Variants in PAG1 observed in about 807,000 individuals in gnomAD.
The protein encoded by PAG1 is phosphoprotein associated with glycosphingolipid-enriched microdomains 1.
In PAG1, 23 loss-of-function variants were observed where a neutral mutation model predicts 31.7. That is an observed-to-expected ratio of 0.73 (90% CI 0.52 to 1.03). The LOEUF (loss-of-function observed/expected upper bound fraction) is 1.03. Among genes scored for constraint, PAG1 ranks in the 50% least tolerant of loss-of-function variants. The probability of loss-of-function intolerance (pLI) is 0.00; values close to 1 mark genes in which losing one functional copy is unlikely to be tolerated. For synonymous variants in PAG1, 214 were observed against 210.3 expected (o/e 1.02, Z -0.15); for missense variants, 473 against 540.7 (o/e 0.87, Z 1.24).
intron 2 of PAG1, among the ~76,000 whole-genome samples, chr8:81,048,026 T>G (rs541473126): frequency 6.6e-6 from 1 of 152,326 alleles, no homozygotes; most frequent in African/African-American, 2.4e-5. Context: ...AGGAACTCCC[T>G]AGTTCCTGTG....
intron 3 of PAG1, among the ~76,000 whole-genome samples, chr8:81,029,099 A>T (rs1416119818): frequency 6.6e-6 from 1 of 152,170 alleles, no homozygotes; most frequent in Non-Finnish European, 1.5e-5. Context: ...ATAAGGAAGG[A>T]GGTGTTTCAT....
At chr8:80,994,343 C>T (rs1807628194) in intron 3 of PAG1, among the ~76,000 whole-genome samples, 1 of 152,172 alleles carries the variant, frequency 6.6e-6, no homozygotes, top group Non-Finnish European at 1.5e-5. Context: ...GAATACATCC[C>T]TGGGAATAAA....
chr8:81,041,509 C>T (rs1419775230), intron 2 of PAG1, among the ~76,000 whole-genome samples: 1 of 152,138 alleles, frequency 6.6e-6, no homozygotes, highest in African/African-American at 2.4e-5. Context: ...TCTTCAGTTC[C>T]ACTTTATATC....
intron 2 of PAG1, among the ~76,000 whole-genome samples, chr8:81,050,717 G>A (rs16908481): frequency 0.087 from 13,190 of 152,262 alleles, 753 homozygotes; most frequent in East Asian, 0.22. Flanking sequence ...AACCCAGTGA[G>A]ATAATGTAGA....
rs112676321 is a variant in PAG1 at position 80,972,940 on chromosome 8, C to CGTGTGTGTGTGTGTGTGTGT, written c.*3584_*3603dup. 1 of 146,296 alleles carries CGTGTGTGTGTGTGTGTGTGT rather than the reference C, an allele frequency of 6.8e-6. No individual in the cohort carries two copies. The highest frequency in any genetic ancestry group is 1.5e-5 in the Non-Finnish European group (1 of 65,996). 9.1% of individuals were successfully genotyped at this position (146,296 alleles called of 1,614,324 possible). A position where few individuals can be genotyped will look rare whatever the true frequency, so the allele number is the denominator to read the frequency against. On this transcript the variant is annotated 3_prime_UTR_variant, in exon 9 of 9. Transcript: ENST00000220597. ...AAGTATATACACACACACACGTATA[C>CGTGTGTGTGTGTGTGTGTGT]GTGTGTGTGTGTGTGTGTGTGTGTG...
At chr8:81,071,755 C>T (rs901516480) in intron 1 of PAG1, among the ~76,000 whole-genome samples, 1 of 152,166 alleles carries the variant, frequency 6.6e-6, no homozygotes. Context: ...TAGCACAATA[C>T]AGAGAGACGC....
intron 2 of PAG1, among the ~76,000 whole-genome samples, chr8:81,068,756 A>G (rs996708137): frequency 2.0e-5 from 3 of 152,260 alleles, no homozygotes; most frequent in African/African-American, 7.2e-5. Flanking sequence ...CAGATGGAGT[A>G]AAACTCAAGA....
chr8:80,998,162 GCT>G (rs1807719517), intron 3 of PAG1, among the ~76,000 whole-genome samples: 1 of 128,820 alleles, frequency 7.8e-6, no homozygotes, highest in Non-Finnish European at 1.6e-5. Flanking sequence ...ACAAAGTCTC[GCT>G]CTGTCGCTAG....
At chr8:81,109,829 G>C (rs1309911067) in intron 1 of PAG1, among the ~76,000 whole-genome samples, 1 of 152,142 alleles carries the variant, frequency 6.6e-6, no homozygotes, top group African/African-American at 2.4e-5. Flanking sequence ...TGGGTTACTT[G>C]CCTAGATTCA....
At position 80,970,604 on chromosome 8, in the gene PAG1, T is replaced by G. The variant is rs1343936236; in HGVS notation, c.*5940A>C. ...GTGGGGAACACTAAGCTTACTTGGT[T>G]AGAGCACGGCACTAACATTTCTGCC... On this transcript the variant is annotated 3_prime_UTR_variant, in exon 9 of 9. Coordinates refer to ENST00000220597, the MANE Select transcript of PAG1 (RefSeq NM_018440.4). 1 of 152,686 alleles carries G rather than the reference T, an allele frequency of 6.5e-6. No homozygotes were observed. Among genetic ancestry groups the G allele is most frequent in the Admixed American group, 6.5e-5 (1 of 15,272 alleles). 9.5% of individuals were successfully genotyped at this position (152,686 alleles called of 1,614,324 possible). A position where few individuals can be genotyped will look rare whatever the true frequency, so the allele number is the denominator to read the frequency against.
chr8:81,064,313 A>G (rs1474861999), intron 2 of PAG1, among the ~76,000 whole-genome samples: 1 of 152,166 alleles, frequency 6.6e-6, no homozygotes, highest in Non-Finnish European at 1.5e-5. Flanking sequence ...TGCTTCTGTG[A>G]GAATCTAATG....
chr8:81,096,304 A>G (rs374535002), intron 1 of PAG1, among the ~76,000 whole-genome samples: 2 of 148,764 alleles, frequency 1.3e-5, no homozygotes, highest in South Asian at 2.1e-4. Context: ...GAAAATGAAC[A>G]TGCATTCTGA....
rs869177030 is a variant in PAG1, at chr8:81,085,972, GTTTTTTT to G, written c.-233-15809_-233-15803del. ...AGTAGTTACGCTTTTAATCTGGCTTGTTTTTTTTTTTTTTTTTTTTTTTTTTTGAGAC... is the reference window on the plus strand; with the variant it reads ...AGTAGTTACGCTTTTAATCTGGCTTGTTTTTTTTTTTTTTTTTTTTGAGAC... On this transcript the variant is annotated intron_variant, in intron 1 of 8. Coordinates refer to ENST00000220597, the MANE Select transcript of PAG1 (RefSeq NM_018440.4). 4.9e-3 allele frequency among the ~76,000 whole-genome samples: 288 copies of G among 58,890 alleles called. 3 individuals carry two copies. Among genetic ancestry groups the G allele is most frequent in the African/African-American group, 0.019 (260 of 13,768 alleles). The allele number at this position is 58,890 out of a possible 152,430, so 38.6% of individuals were successfully genotyped here.
intron 2 of PAG1, among the ~76,000 whole-genome samples, chr8:81,055,167 G>T (rs901969287): frequency 6.6e-6 from 1 of 150,770 alleles, no homozygotes; most frequent in Admixed American, 6.6e-5. Context: ...GGGCTCAAGC[G>T]ATCCTCCCGC....
At chr8:81,083,620 T>C (rs1809303910) in intron 1 of PAG1, among the ~76,000 whole-genome samples, 1 of 152,158 alleles carries the variant, frequency 6.6e-6, no homozygotes, top group Non-Finnish European at 1.5e-5. Context: ...AAGTTTTCCA[T>C]TTTGCTAGGC....
chr8:81,023,692 C>T (rs1239070853), intron 3 of PAG1, among the ~76,000 whole-genome samples: 3 of 152,050 alleles, frequency 2.0e-5, no homozygotes, highest in Non-Finnish European at 4.4e-5. Flanking sequence ...GGTCAAATTA[C>T]ATATGATTAT....
chr8:81,038,799 G>GGTTTTAA (rs376065371), intron 2 of PAG1, among the ~76,000 whole-genome samples: 13 of 152,048 alleles, frequency 8.5e-5, no homozygotes, highest in African/African-American at 2.9e-4. Context: ...GACTTAGGGT[G>GGTTTTAA]GTTTTAAGAG....
intron 1 of PAG1, among the ~76,000 whole-genome samples, 166 bp from the exon 2 acceptor site, chr8:81,070,336 T>C (rs548918344): frequency 2.6e-5 from 4 of 152,202 alleles, no homozygotes; most frequent in Admixed American, 6.5e-5. Flanking sequence ...TTTAATACTA[T>C]AATAAAAGAA....
intron 2 of PAG1, among the ~76,000 whole-genome samples, chr8:81,043,298 A>G (rs1310112142): frequency 6.6e-6 from 1 of 152,206 alleles, no homozygotes; most frequent in East Asian, 1.9e-4. Context: ...CAGGATATAG[A>G]GTATTATGTT....
Sources: gnomAD v4.1 joint callset for allele counts (sites outside exome capture counted in the v4.1 genomes callset) on GRCh38, gnomAD v4.1.1 for gene constraint, MANE v1.5 for transcripts, NCBI Gene and HGNC (gene_info 2026-07-23, HGNC 2026-07-21) for gene names.